Variants in LCP2 observed in about 807,000 individuals in gnomAD.
The protein encoded by LCP2 is lymphocyte cytosolic protein 2.
Under a neutral mutation model 74.5 loss-of-function variants are expected in LCP2, and 29 were observed. The ratio of observed to expected loss-of-function variants is 0.39; its 90% CI spans 0.29 to 0.53. The LOEUF (loss-of-function observed/expected upper bound fraction) is 0.53. Ranked by LOEUF, LCP2 falls within the 20% of genes least tolerant of loss-of-function variation. The pLI is 0.72. For missense variants in LCP2, 604 were observed against 634.6 expected, an observed-to-expected ratio of 0.95 and a Z score of 0.52; for synonymous variants, 228 against 229.5, an observed-to-expected ratio of 0.99 and a Z score of 0.06.
intron 2 of LCP2, 101 bp from the exon 3 acceptor site, chr5:170,288,117 G>T: frequency 8.0e-7 from 1 of 1,250,770 alleles, no homozygotes; most frequent in Non-Finnish European, 1.2e-6. Context: ...GAGTGGTGGG[G>T]ACTGTGGCAA....
At chr5:170,251,736 G>A (rs1761447382) in intron 19 of LCP2, 1 of 449,480 alleles carries the variant, frequency 2.2e-6, no homozygotes, top group Non-Finnish European at 4.5e-6. Context: ...GAATTACCTG[G>A]GAAGTTTGAA....
intron 14 of LCP2, among the ~76,000 whole-genome samples, chr5:170,260,334 A>C (rs1462635364): frequency 1.3e-5 from 2 of 152,188 alleles, no homozygotes; most frequent in African/African-American, 4.8e-5. Flanking sequence ...AGCTGCAAAA[A>C]TAGCAGGCGC....
intron 12 of LCP2, 23 bp from the exon 13 acceptor site, chr5:170,262,765 G>T: frequency 6.2e-7 from 1 of 1,613,156 alleles, no homozygotes; most frequent in Non-Finnish European, 8.5e-7. Flanking sequence ...GGAAAAGGAT[G>T]TGTAAGAAAC....
chr5:170,255,992 T>G (rs1761542742), intron 17 of LCP2, among the ~76,000 whole-genome samples: 1 of 152,184 alleles, frequency 6.6e-6, no homozygotes, highest in Non-Finnish European at 1.5e-5. Context: ...TTGAACATGC[T>G]CCCCAACTCA....
rs1396827430 is a variant in LCP2 at position 170,289,683 on chromosome 5, C to T, written c.142-1667G>A. Among the ~76,000 whole-genome samples, 658 of 133,614 alleles carry T rather than the reference C, an allele frequency of 4.9e-3. 5 individuals are homozygous for T. Among genetic ancestry groups the T allele is most frequent in the African/African-American group, 0.015 (549 of 35,536 alleles). The allele number at this position is 133,614 out of a possible 152,430, so 87.7% of individuals were successfully genotyped here. A position where few individuals can be genotyped will look rare whatever the true frequency, so the allele number is the denominator to read the frequency against. ...TTTCTTTCTTTCTTTCTCTCTCTCT[C>T]TCTTTCTTTCTTTCTTTCCTTCTTT... On this transcript the variant is annotated intron_variant, in intron 2 of 20. Transcript: ENST00000046794.
intron 3 of LCP2, among the ~76,000 whole-genome samples, chr5:170,283,135 C>A (rs1039657330): frequency 1.3e-5 from 2 of 152,166 alleles, no homozygotes; most frequent in Non-Finnish European, 2.9e-5. Flanking sequence ...TCCATATTAA[C>A]CCTTCATGTT....
chr5:170,255,094 G>A (rs115637822), intron 17 of LCP2, among the ~76,000 whole-genome samples: 1,775 of 152,336 alleles, frequency 0.012, 11 homozygotes, highest in Middle Eastern at 0.034. Context: ...GGACTCAGAT[G>A]GCTACAGAGG....
At chr5:170,268,971 A>C (rs776853399) in intron 7 of LCP2, among the ~76,000 whole-genome samples, 5 of 79,738 alleles carry the variant, frequency 6.3e-5, no homozygotes, top group Non-Finnish European at 1.3e-4. Context: ...TCTCACAGGC[A>C]CACCCAGCTG....
intron 16 of LCP2, 22 bp downstream of exon 16, chr5:170,258,015 A>G (rs371320082): frequency 4.9e-5 from 79 of 1,612,502 alleles, no homozygotes; most frequent in Non-Finnish European, 6.4e-5. Context: ...TTAAGCTAGA[A>G]TTTCATGACA....
chr5:170,250,163 T>G (rs533248576), intron 20 of LCP2, among the ~76,000 whole-genome samples: 4 of 152,214 alleles, frequency 2.6e-5, no homozygotes, highest in African/African-American at 9.6e-5. Flanking sequence ...TAGTTTCCTT[T>G]GCGAAAAACT....
At chr5:170,293,396 T>C in intron 1 of LCP2, 24 bp from the exon 2 acceptor site, 1 of 1,572,502 alleles carries the variant, frequency 6.4e-7, no homozygotes, top group Non-Finnish European at 8.6e-7. Flanking sequence ...GGGAAGGTGT[T>C]GTTAGTGACG....
At position 170,253,114 on chromosome 5, in the gene LCP2, C is replaced by G. The variant is rs756509785; in HGVS notation, c.1245+5G>C. The G allele has an allele frequency of 2.5e-6, 4 of 1,594,902 alleles. No individual in the cohort carries two copies. Among genetic ancestry groups the G allele is most frequent in the African/African-American group, 2.7e-5 (2 of 74,554 alleles). On this transcript the variant is annotated splice_donor_5th_base_variant and intron_variant, in intron 18 of 20. Transcript: ENST00000046794. The stretch of plus-strand genomic sequence containing the variant: ...ACAAACAAAAATAAAAACATGCTCT[C>G]TTACCTCTTCCTCCGCGGGGGATGG...
chr5:170,286,009 AT>A (rs1276331282), intron 3 of LCP2, among the ~76,000 whole-genome samples: 3 of 152,134 alleles, frequency 2.0e-5, no homozygotes, highest in Non-Finnish European at 4.4e-5. Context: ...TTTGTTTTCC[AT>A]CCCTCGGTGT....
intron 20 of LCP2, among the ~76,000 whole-genome samples, chr5:170,249,342 T>C (rs928473259): frequency 3.4e-5 from 5 of 145,924 alleles, no homozygotes; most frequent in Non-Finnish European, 7.5e-5. Flanking sequence ...AAAAAATAGA[T>C]AAAATATGTG....
At chr5:170,264,738 G>A (rs889382389) in intron 10 of LCP2, among the ~76,000 whole-genome samples, 3 of 152,154 alleles carry the variant, frequency 2.0e-5, no homozygotes, top group African/African-American at 4.8e-5. Flanking sequence ...GTTTGAGGCC[G>A]TAACGAGCTA....
rs781036691 is a variant in LCP2, at chr5:170,266,900, G to A, written c.689-9C>T. 2.5e-5 allele frequency: 40 copies of A among 1,613,464 alleles called. No homozygotes were observed. The Admixed American group carries it at 6.5e-4, about 26-fold the overall frequency. On this transcript the variant is annotated splice_polypyrimidine_tract_variant and intron_variant, in intron 9 of 20. Coordinates refer to ENST00000046794, the MANE Select transcript of LCP2 (RefSeq NM_005565.5). Reference sequence around the variant, plus strand: ...TATTGAAGGAGCAGGGACTGGAAGGGGAAAAGGCTGACATCAATTAAAAGA... The same window carrying A: ...TATTGAAGGAGCAGGGACTGGAAGGAGAAAAGGCTGACATCAATTAAAAGA...
Position 170,265,198 on chromosome 5 carries a change from A to G in LCP2, c.772+1610T>C, listed in dbSNP as rs532815642. ...GAGACGGGGTTTCACCGTGTTAGCCAGGATGGTCTCCATCTCCTGACGTTG... is the reference window on the plus strand; with the variant it reads ...GAGACGGGGTTTCACCGTGTTAGCCGGGATGGTCTCCATCTCCTGACGTTG... On this transcript the variant is annotated intron_variant, in intron 10 of 20. Coordinates refer to ENST00000046794, the MANE Select transcript of LCP2 (RefSeq NM_005565.5). Among the ~76,000 whole-genome samples, 3 of 152,074 alleles carry G rather than the reference A, an allele frequency of 2.0e-5. No homozygotes were observed. The South Asian group carries it at 6.2e-4, about 32-fold the overall frequency.
rs953264300 is a variant in LCP2 at position 170,275,749 on chromosome 5, C to T, written c.254+46G>A. 5.4e-6 allele frequency: 8 copies of T among 1,492,758 alleles called. No individual in the cohort carries two copies. In the African/African-American group the frequency reaches 9.7e-5, roughly 18 times the overall value. The allele number at this position is 1,492,758 out of a possible 1,614,324, so 92.5% of individuals were successfully genotyped here. A position where few individuals can be genotyped will look rare whatever the true frequency, so the allele number is the denominator to read the frequency against. ...TCTGTGCCTCCCTTTTAAGGTTCAA[C>T]TCGGGACTGAAAAATCTTGCGTTTC... On this transcript the variant is annotated intron_variant, in intron 4 of 20. Coordinates refer to ENST00000046794, the MANE Select transcript of LCP2 (RefSeq NM_005565.5).
chr5:170,295,695 T>G (rs893805221), intron 1 of LCP2, among the ~76,000 whole-genome samples: 3 of 152,294 alleles, frequency 2.0e-5, no homozygotes, highest in African/African-American at 7.2e-5. Flanking sequence ...GGTCCATTCG[T>G]TTGGTAGTTT....
Sources: allele counts gnomAD v4.1 joint callset (sites outside exome capture counted in the v4.1 genomes callset), GRCh38; gene constraint gnomAD v4.1.1; transcripts MANE v1.5; gene names NCBI Gene and HGNC (gene_info 2026-07-23, HGNC 2026-07-21).